KRABD2: variants seen among roughly 807,000 people sequenced by gnomAD.
KRABD2 encodes KRAB domain-containing protein 2.
the KRABD2 span, among the ~76,000 whole-genome samples, chr17:8,372,781 CA>C: frequency 1.3e-5 from 2 of 152,134 alleles, no homozygotes; most frequent in Admixed American, 1.3e-4. The surrounding 1 kb of genome is among the most constrained non-coding windows in gnomAD (Gnocchi z 4.1). Context: ...ATAATGAAGG[CA>C]ACTGGGCATG....
chr17:8,374,628 TAAAAAAAAAA>T, the KRABD2 span, among the ~76,000 whole-genome samples: 1 of 71,434 alleles, frequency 1.4e-5, no homozygotes, highest in African/African-American at 5.4e-5. Flanking sequence ...CAATAAATAC[TAAAAAAAAAA>T]AAAAAAAAAA....
chr17:8,376,421 A>T, the KRABD2 span: 1 of 1,079,984 alleles, frequency 9.3e-7, no homozygotes, highest in Non-Finnish European at 1.1e-6. Flanking sequence ...GGCACTTAAT[A>T]CAGTGTCCCC....
chr17:8,363,832 T>TACATAC, the KRABD2 span, among the ~76,000 whole-genome samples: 2 of 35,760 alleles, frequency 5.6e-5, no homozygotes, highest in African/African-American at 1.1e-4. Context: ...ATATCATACA[T>TACATAC]ATATATATAT....
the KRABD2 span, among the ~76,000 whole-genome samples, chr17:8,374,064 C>A: frequency 6.6e-6 from 1 of 152,024 alleles, no homozygotes; most frequent in Non-Finnish European, 1.5e-5. Context: ...CCCGCCCGGC[C>A]GGCCGCCCCG....
chr17:8,370,032 A>G, the KRABD2 span: 29 of 1,613,978 alleles, frequency 1.8e-5, no homozygotes, highest in Non-Finnish European at 1.5e-5. Context: ...AAGAATATCA[A>G]ACAACTCTTC....
the KRABD2 span, chr17:8,368,940 TGTG>T: frequency 1.0e-6 from 1 of 959,308 alleles, no homozygotes; most frequent in Non-Finnish European, 1.5e-6. Flanking sequence ...CCGGCCAGGT[TGTG>T]GTAATTTTTT....
At chr17:8,360,408 CCTT>C in the KRABD2 span, among the ~76,000 whole-genome samples, 1 of 152,096 alleles carries the variant, frequency 6.6e-6, no homozygotes, top group African/African-American at 2.4e-5. Context: ...ACATTTCCTG[CCTT>C]CTTTGTTTGC....
chr17:8,368,455 A>G, the KRABD2 span, among the ~76,000 whole-genome samples: 6 of 152,232 alleles, frequency 3.9e-5, no homozygotes, highest in African/African-American at 1.4e-4. Flanking sequence ...CTGGACTTAC[A>G]CTGTCACAAG....
At chr17:8,359,789 T>C in the KRABD2 span, 1 of 456,022 alleles carries the variant, frequency 2.2e-6, no homozygotes, top group Non-Finnish European at 4.4e-6. Context: ...TTATTACAGG[T>C]GGCCTGGGTT....
At chr17:8,374,022 C>T in the KRABD2 span, among the ~76,000 whole-genome samples, 153 of 151,776 alleles carry the variant, frequency 1.0e-3, no homozygotes, top group African/African-American at 3.2e-3. Context: ...CCTGGCCAGC[C>T]GCCCCGTCCG....
the KRABD2 span, among the ~76,000 whole-genome samples, chr17:8,366,198 G>A: frequency 6.6e-6 from 1 of 152,092 alleles, no homozygotes; most frequent in Non-Finnish European, 1.5e-5. Context: ...CATTTCTGTA[G>A]AATCATTTAT....
the KRABD2 span, chr17:8,371,470 G>A: frequency 1.2e-6 from 2 of 1,613,016 alleles, no homozygotes; most frequent in African/African-American, 1.3e-5. Context: ...CTTGGGGCCT[G>A]GGCTAAAGAG....
the KRABD2 span, among the ~76,000 whole-genome samples, chr17:8,363,752 ACATACATATATATAT>A: frequency 4.8e-5 from 7 of 147,262 alleles, no homozygotes; most frequent in East Asian, 1.2e-3. Context: ...CTTTTTTCAT[ACATACATATATATAT>A]CATACATATA....
chr17:8,366,920 C>T, the KRABD2 span, among the ~76,000 whole-genome samples: 57 of 152,064 alleles, frequency 3.7e-4, no homozygotes, highest in Non-Finnish European at 4.7e-4. Flanking sequence ...CGGGGTTTCA[C>T]CATGTTGGCC....
the KRABD2 span, among the ~76,000 whole-genome samples, chr17:8,367,824 A>G: frequency 7.2e-5 from 11 of 151,854 alleles, no homozygotes; most frequent in Admixed American, 6.6e-5. Flanking sequence ...AACAAAGCAC[A>G]TCTTGCACCG....
At chr17:8,376,648 A>G in the KRABD2 span, 2 of 985,482 alleles carry the variant, frequency 2.0e-6, no homozygotes, top group African/African-American at 1.7e-5. Context: ...AGAAAGGGAC[A>G]CACCAGACGC....
chr17:8,374,251 C>T, the KRABD2 span, among the ~76,000 whole-genome samples: 15 of 152,344 alleles, frequency 9.8e-5, no homozygotes, highest in South Asian at 2.9e-3. Context: ...AAGAAGTAGA[C>T]ATAGGAGACT....
the KRABD2 span, among the ~76,000 whole-genome samples, chr17:8,365,087 G>T: frequency 6.6e-6 from 1 of 152,002 alleles, no homozygotes; most frequent in African/African-American, 2.4e-5. Flanking sequence ...TGCAAGCTGA[G>T]ACTAGCCTGT....
At chr17:8,365,719 G>A in the KRABD2 span, 4 of 152,412 alleles carry the variant, frequency 2.6e-5, no homozygotes, top group East Asian at 7.7e-4. Flanking sequence ...ACAATCCTGT[G>A]AGGTAGGCAG....
Sources: gnomAD v4.1 joint callset for allele counts (sites outside exome capture counted in the v4.1 genomes callset) on GRCh38, gnomAD v4.1.1 for gene constraint, Gnocchi (gnomAD v3.1) non-coding constraint, MANE v1.5 for transcripts, NCBI Gene and HGNC (gene_info 2026-07-23, HGNC 2026-07-21) for gene names.